CTDSPL: variants seen among roughly 807,000 people sequenced by gnomAD.
The protein encoded by CTDSPL is CTD small phosphatase-like protein.
A neutral mutation model predicts 30.5 loss-of-function variants in CTDSPL; 8 were observed. That is an observed-to-expected ratio of 0.26 (90% CI 0.15 to 0.47). The LOEUF (loss-of-function observed/expected upper bound fraction) is 0.47. Ranked by LOEUF, CTDSPL falls within the 20% of genes least tolerant of loss-of-function variation. The pLI, the probability that CTDSPL is intolerant of heterozygous loss-of-function variation, is 0.99. For synonymous variants in CTDSPL, 110 were observed against 137.9 expected (o/e 0.80, Z 1.42); for missense variants, 248 against 366.1 (o/e 0.68, Z 2.63).
intron 4 of CTDSPL, among the ~76,000 whole-genome samples, chr3:37,966,171 G>C (rs1014198311): frequency 7.2e-5 from 11 of 152,228 alleles, no homozygotes; most frequent in African/African-American, 2.7e-4. Flanking sequence ...GTAGCCCCCA[G>C]TGTCTCTAGC....
chr3:37,911,071 C>T lies in CTDSPL; in HGVS notation c.80-35986C>T, dbSNP rs146779617. Among the ~76,000 whole-genome samples, 3 of 152,350 alleles carry T rather than the reference C, an allele frequency of 2.0e-5. No individual in the cohort carries two copies. The East Asian group carries it at 5.8e-4, about 29-fold the overall frequency. The stretch of plus-strand genomic sequence containing the variant: ...AAAGGTAGACCTTACAAAAAACAAA[C>T]AAAAAGAAATGCAGACCGTAGAGTG... On this transcript the variant is annotated intron_variant, in intron 1 of 7. Coordinates refer to ENST00000273179, the MANE Select transcript of CTDSPL (RefSeq NM_001008392.2).
At chr3:37,950,278 A>AGG (rs1244082561) in intron 2 of CTDSPL, among the ~76,000 whole-genome samples, 1 of 152,218 alleles carries the variant, frequency 6.6e-6, no homozygotes, top group East Asian at 1.9e-4. Flanking sequence ...ACAGACACTA[A>AGG]GGGAACACAC....
chr3:37,888,549 G>A (rs1038529443), intron 1 of CTDSPL, among the ~76,000 whole-genome samples: 19 of 152,298 alleles, frequency 1.2e-4, no homozygotes, highest in African/African-American at 4.3e-4. Flanking sequence ...ATGCTGGTCC[G>A]TGAGCACTCA....
At chr3:37,873,559 T>C (rs965434900) in intron 1 of CTDSPL, among the ~76,000 whole-genome samples, 1 of 152,320 alleles carries the variant, frequency 6.6e-6, no homozygotes, top group East Asian at 1.9e-4. Flanking sequence ...ATTTTATATA[T>C]AATGTCCAGG....
intron 2 of CTDSPL, chr3:37,955,280 C>T (rs1699158054): frequency 6.6e-6 from 1 of 152,168 alleles, no homozygotes; most frequent in African/African-American, 2.4e-5. Context: ...TGAAGTGACC[C>T]AGCCAGGTAT....
At chr3:37,894,577 T>G (rs994390452) in intron 1 of CTDSPL, among the ~76,000 whole-genome samples, 2 of 152,226 alleles carry the variant, frequency 1.3e-5, no homozygotes, top group East Asian at 1.9e-4. Context: ...TTTATCTTGC[T>G]TAGACTTTAT....
rs952463179 is a variant in CTDSPL at position 37,937,006 on chromosome 3, A to G, written c.80-10051A>G. ...TTAGCAGTACATTTGGTGTGTTGTC[A>G]GAGAAAACCAGACCTGGGCAGTAGT... On this transcript the variant is annotated intron_variant, in intron 1 of 7. Coordinates refer to ENST00000273179, the MANE Select transcript of CTDSPL (RefSeq NM_001008392.2). Among the ~76,000 whole-genome samples, 2 of 134,280 alleles carry G rather than the reference A, an allele frequency of 1.5e-5. 1 individual carries two copies. The highest frequency in any genetic ancestry group is 4.2e-4 in the East Asian group (2 of 4,726). The allele number at this position is 134,280 out of a possible 152,430, so 88.1% of individuals were successfully genotyped here. A position where few individuals can be genotyped will look rare whatever the true frequency, so the allele number is the denominator to read the frequency against.
intron 7 of CTDSPL, 101 bp from the exon 8 acceptor site, chr3:37,980,641 T>C: frequency 6.8e-7 from 1 of 1,468,916 alleles, no homozygotes; most frequent in South Asian, 1.3e-5. Flanking sequence ...CCAGTCGTCC[T>C]TACTAAAGAA....
At chr3:37,910,863 G>A (rs1003139808) in intron 1 of CTDSPL, among the ~76,000 whole-genome samples, 1 of 152,186 alleles carries the variant, frequency 6.6e-6, no homozygotes, top group African/African-American at 2.4e-5. Flanking sequence ...CACCACATGT[G>A]AATGTGGTCC....
At chr3:37,952,116 G>A (rs145535564) in intron 2 of CTDSPL, among the ~76,000 whole-genome samples, 2 of 152,172 alleles carry the variant, frequency 1.3e-5, no homozygotes, top group Non-Finnish European at 2.9e-5. Flanking sequence ...GGTTGAGGCT[G>A]CAGTGAGCCT....
At chr3:37,889,906 A>G (rs950637005) in intron 1 of CTDSPL, among the ~76,000 whole-genome samples, 12 of 152,252 alleles carry the variant, frequency 7.9e-5, no homozygotes, top group African/African-American at 2.9e-4. Context: ...TGAACTTTCA[A>G]TCAAGTGTAA....
intron 1 of CTDSPL, among the ~76,000 whole-genome samples, chr3:37,885,475 G>A (rs995685919): frequency 6.6e-6 from 1 of 152,144 alleles, no homozygotes; most frequent in Non-Finnish European, 1.5e-5. Context: ...AGGATGGAAA[G>A]AAAGTTGACT....
chr3:37,979,463 A>G (rs1699465432), intron 7 of CTDSPL, among the ~76,000 whole-genome samples: 1 of 152,114 alleles, frequency 6.6e-6, no homozygotes, highest in South Asian at 2.1e-4. Flanking sequence ...CTAGCTGGGC[A>G]TGGCGGCAGG....
intron 4 of CTDSPL, among the ~76,000 whole-genome samples, chr3:37,964,909 T>A (rs143810307): frequency 7.2e-4 from 109 of 152,352 alleles, no homozygotes; most frequent in African/African-American, 2.4e-3. Flanking sequence ...GACCTCATTC[T>A]TAGGAGGTTT....
intron 2 of CTDSPL, among the ~76,000 whole-genome samples, chr3:37,948,417 G>A (rs529429173): frequency 3.1e-4 from 47 of 152,174 alleles, no homozygotes; most frequent in Non-Finnish European, 6.8e-4. Context: ...AAAAATCACT[G>A]AAAGAAGATT....
chr3:37,966,433 C>T (rs1203357663), intron 4 of CTDSPL, among the ~76,000 whole-genome samples: 1 of 152,192 alleles, frequency 6.6e-6, no homozygotes, highest in Non-Finnish European at 1.5e-5. Flanking sequence ...TTTATACCAG[C>T]AGGAGAGAGG....
intron 7 of CTDSPL, among the ~76,000 whole-genome samples, chr3:37,977,746 C>T (rs1481200349): frequency 4.0e-5 from 6 of 151,496 alleles, no homozygotes; most frequent in South Asian, 4.2e-4. Context: ...ATTAGCCAGA[C>T]GGGGTGGCAG....
At chr3:37,927,308 A>G (rs1282920417) in intron 1 of CTDSPL, among the ~76,000 whole-genome samples, 1 of 152,184 alleles carries the variant, frequency 6.6e-6, no homozygotes, top group Admixed American at 6.6e-5. Context: ...AAATCATTAA[A>G]CATATTGTGT....
intron 1 of CTDSPL, among the ~76,000 whole-genome samples, chr3:37,894,284 G>A (rs922510956): frequency 6.6e-5 from 10 of 151,122 alleles, no homozygotes; most frequent in African/African-American, 1.5e-4. Context: ...TTGTAGAGAC[G>A]AGAGTCTCGC....
Sources: gnomAD v4.1 joint callset for allele counts (sites outside exome capture counted in the v4.1 genomes callset) on GRCh38, gnomAD v4.1.1 for gene constraint, MANE v1.5 for transcripts, NCBI Gene and HGNC (gene_info 2026-07-23, HGNC 2026-07-21) for gene names.